Variants in PRH1 observed in about 807,000 individuals in gnomAD.
PRH1 encodes salivary acidic proline-rich phosphoprotein 1/2.
A neutral mutation model predicts 7.9 loss-of-function variants in PRH1; 7 were observed. The observed-to-expected ratio is 0.89, with a 90% confidence interval of 0.50 to 1.67. The LOEUF (loss-of-function observed/expected upper bound fraction) is 1.67, where lower values mean the gene tolerates loss of function less well. Ranked by LOEUF, PRH1 falls within the 40% of genes most tolerant of loss-of-function variation. The pLI, the probability that PRH1 is intolerant of heterozygous loss-of-function variation, is 0.00. For missense variants in PRH1, 109 were observed against 223.6 expected (o/e 0.49, Z 3.27); for synonymous variants, 45 against 80.8 (o/e 0.56, Z 2.38).
intron 1 of PRH1, among the ~76,000 whole-genome samples, chr12:11,038,723 C>T (rs1942563926): frequency 6.8e-6 from 1 of 147,568 alleles, no homozygotes; most frequent in Non-Finnish European, 1.5e-5. Context: ...TCAACTTTAG[C>T]TATTGAAACT....
At chr12:11,140,643 GT>G (rs2070821095) in intron 1 of PRH1, among the ~76,000 whole-genome samples, 1 of 152,102 alleles carries the variant, frequency 6.6e-6, no homozygotes, top group Non-Finnish European at 1.5e-5. Context: ...CATCCTTGCT[GT>G]AAGGTAAAAT....
intron 1 of PRH1, among the ~76,000 whole-genome samples, chr12:11,109,224 G>C (rs1195590863): frequency 1.3e-5 from 2 of 152,156 alleles, no homozygotes; most frequent in African/African-American, 4.8e-5. Context: ...CTGGGAGAAG[G>C]GGCAGCTGTG....
At chr12:11,070,142 T>C (rs1467818999) in intron 1 of PRH1, among the ~76,000 whole-genome samples, 2 of 143,518 alleles carry the variant, frequency 1.4e-5, no homozygotes, top group East Asian at 2.0e-4. Flanking sequence ...AAAATAATAA[T>C]TGGTCACAGG....
At chr12:11,145,636 A>C (rs1946838641) in intron 1 of PRH1, among the ~76,000 whole-genome samples, 1 of 152,224 alleles carries the variant, frequency 6.6e-6, no homozygotes, top group South Asian at 2.1e-4. Context: ...GAAATTTGGG[A>C]AACTCCACAT....
intron 1 of PRH1, among the ~76,000 whole-genome samples, chr12:11,007,303 A>G (rs1044982556): frequency 3.3e-5 from 5 of 152,078 alleles, no homozygotes; most frequent in African/African-American, 4.8e-5. Context: ...AAACACAAAA[A>G]CACACACTTA....
At chr12:11,072,780 A>C (rs376663408) in intron 1 of PRH1, among the ~76,000 whole-genome samples, 1 of 127,378 alleles carries the variant, frequency 7.9e-6, no homozygotes, top group South Asian at 2.2e-4. Context: ...GATTAAGTGA[A>C]TATTTCTTGT....
At chr12:11,057,806 C>A (rs1021921437) in intron 1 of PRH1, among the ~76,000 whole-genome samples, 1 of 152,274 alleles carries the variant, frequency 6.6e-6, no homozygotes, top group East Asian at 1.9e-4. Context: ...ATTTGTTAAT[C>A]TACACCCTTT....
chr12:11,120,662 A>T (rs186183578), downstream of PRH1, among the ~76,000 whole-genome samples: 696 of 150,590 alleles, frequency 4.6e-3, 10 homozygotes, highest in African/African-American at 0.015. Flanking sequence ...TTTTTTTTTT[A>T]AATATTTTAT....
chr12:10,884,291 C>A, upstream of PRH1: 9 of 1,601,774 alleles, frequency 5.6e-6, no homozygotes, highest in South Asian at 9.9e-5. Context: ...TAAAGACAAG[C>A]AGGACAATGG....
chr12:11,114,497 C>T (rs1005849333), intron 1 of PRH1, among the ~76,000 whole-genome samples: 2 of 152,110 alleles, frequency 1.3e-5, no homozygotes, highest in African/African-American at 4.8e-5. Context: ...CGTCACACAA[C>T]TGGGCCTTTT....
At chr12:10,918,396 T>G (rs964990164) in intron 2 of PRH1, among the ~76,000 whole-genome samples, 2 of 152,132 alleles carry the variant, frequency 1.3e-5, no homozygotes, top group African/African-American at 4.8e-5. Context: ...TAATACATTT[T>G]TAAAAGATCC....
intron 2 of PRH1, among the ~76,000 whole-genome samples, chr12:10,961,894 AC>A (rs1938251633): frequency 6.6e-6 from 1 of 152,128 alleles, no homozygotes; most frequent in Non-Finnish European, 1.5e-5. Context: ...GCATCTGATG[AC>A]CACCATGCTG....
At chr12:11,069,061 G>A (rs751646912) in intron 1 of PRH1, among the ~76,000 whole-genome samples, 55,249 of 107,928 alleles carry the variant, frequency 0.51, 12,125 homozygotes, top group Non-Finnish European at 0.6. Context: ...AGGACTGCAG[G>A]TGGACACCAC....
At chr12:11,149,001 T>C (rs1946971134) in intron 1 of PRH1, among the ~76,000 whole-genome samples, 1 of 150,526 alleles carries the variant, frequency 6.6e-6, no homozygotes. Flanking sequence ...AACTTCTTCC[T>C]GGTTTAGTCT....
chr12:11,034,533 T>TTTG (rs758383968), intron 1 of PRH1, among the ~76,000 whole-genome samples: 44,892 of 107,500 alleles, frequency 0.42, 10,528 homozygotes, highest in Non-Finnish European at 0.49. Context: ...ATTATTATTT[T>TTTG]CTAAACATTC....
chr12:10,970,856 T>C (rs1423132867), intron 2 of PRH1, among the ~76,000 whole-genome samples: 4 of 152,144 alleles, frequency 2.6e-5, no homozygotes, highest in African/African-American at 7.2e-5. Flanking sequence ...GTGAGCCACT[T>C]TGCCCGGCCC....
chr12:10,991,627 T>G (rs749598876), intron 1 of PRH1, among the ~76,000 whole-genome samples: 12 of 152,180 alleles, frequency 7.9e-5, no homozygotes, highest in Non-Finnish European at 1.3e-4. Context: ...TCAGCCTTAT[T>G]CCTCTCTATT....
At chr12:11,009,175 T>A (rs1463552380) in intron 1 of PRH1, among the ~76,000 whole-genome samples, 1 of 151,926 alleles carries the variant, frequency 6.6e-6, no homozygotes, top group African/African-American at 2.4e-5. Context: ...CATTTTTAAT[T>A]TCTGTCTATA....
At chr12:10,909,484 G>C (rs1254921588) in intron 2 of PRH1, 1 of 533,516 alleles carries the variant, frequency 1.9e-6, no homozygotes, top group Non-Finnish European at 3.4e-6. Context: ...TCACATAACT[G>C]TTCTGGTGAT....
Sources: allele counts gnomAD v4.1 joint callset (sites outside exome capture counted in the v4.1 genomes callset), GRCh38; gene constraint gnomAD v4.1.1; transcripts MANE v1.5; gene names NCBI Gene and HGNC (gene_info 2026-07-23, HGNC 2026-07-21).